The following UNC13C variants were observed in gnomAD, a reference collection of about 807,000 sequenced individuals.
UNC13C encodes unc-13 homolog C, also known as protein unc-13 homolog C.
A neutral mutation model predicts 245.4 loss-of-function variants in UNC13C; 174 were observed. The ratio of observed to expected loss-of-function variants is 0.71; its 90% confidence interval spans 0.63 to 0.80. The LOEUF (loss-of-function observed/expected upper bound fraction) is 0.80. Ranked by LOEUF, UNC13C falls within the 30% of genes least tolerant of loss-of-function variation. UNC13C has a pLI of 0.00. For missense variants in UNC13C, 2,829 were observed against 2,602.9 expected (o/e 1.09, Z -1.89); for synonymous variants, 992 against 895.1 (o/e 1.11, Z -1.93).
chr15:54,025,692 C>T (rs899098269), intron 2 of UNC13C, among the ~76,000 whole-genome samples: 1 of 152,146 alleles, frequency 6.6e-6, no homozygotes, highest in African/African-American at 2.4e-5. Flanking sequence ...TATTGATTTA[C>T]CCGACAGCAC....
intron 26 of UNC13C, among the ~76,000 whole-genome samples, chr15:54,546,403 G>A (rs1896483025): frequency 6.6e-6 from 1 of 152,062 alleles, no homozygotes; most frequent in Non-Finnish European, 1.5e-5. Flanking sequence ...AACCACCATG[G>A]CATGTGTATA....
At chr15:53,957,200 G>A in the UNC13C span, among the ~76,000 whole-genome samples, 1 of 152,020 alleles carries the variant, frequency 6.6e-6, no homozygotes, top group Admixed American at 6.6e-5. Context: ...GGAGTGCAGT[G>A]CCACAATGTT....
chr15:54,543,225 C>T, intron 26 of UNC13C, among the ~76,000 whole-genome samples: 1 of 152,028 alleles, frequency 6.6e-6, no homozygotes. Flanking sequence ...ATTTGCTTGT[C>T]TGTAAAGGAT....
intron 7 of UNC13C, among the ~76,000 whole-genome samples, chr15:54,243,611 T>A (rs973213169): frequency 7.2e-5 from 11 of 152,098 alleles, no homozygotes; most frequent in African/African-American, 2.7e-4. Context: ...AAAGCATTCC[T>A]TTTTTTCTGC....
chr15:54,091,867 T>G (rs1899593000), intron 2 of UNC13C, among the ~76,000 whole-genome samples: 1 of 152,238 alleles, frequency 6.6e-6, no homozygotes, highest in Non-Finnish European at 1.5e-5. Flanking sequence ...TTGAGATTTA[T>G]TCCTTAAGTC....
Position 54,567,845 on chromosome 15 carries a change from G to T in UNC13C, c.6004G>T (p.Glu2002Ter). Residue 2002 changes from glutamate (E) to a stop codon, truncating the protein, a stop_gained, in exon 30 of 33, where the codon GAG (glutamate) becomes TAG (stop). Coordinates refer to ENST00000260323, the MANE Select transcript of UNC13C (RefSeq NM_001080534.3). LOFTEE classifies it high-confidence loss of function. Reference sequence around the variant, plus strand: ...AAATGGCCTGAAAAAGAATTTCTTGGAGAAAAGCCCAGATCTTCAGTCTCT... The same window carrying T: ...AAATGGCCTGAAAAAGAATTTCTTGTAGAAAAGCCCAGATCTTCAGTCTCT... Reference protein sequence around the residue: ...GGNGLKKNFLEKSPDLQSLRY... With the variant: ...GGNGLKKNFL 6.2e-7 allele frequency: 1 copy of T among 1,604,106 alleles called. No homozygotes were observed. Among genetic ancestry groups the T allele is most frequent in the Non-Finnish European group, 8.5e-7 (1 of 1,174,584 alleles).
chr15:54,298,436 C>T (rs1305096822), intron 12 of UNC13C, among the ~76,000 whole-genome samples: 1 of 152,000 alleles, frequency 6.6e-6, no homozygotes, highest in Non-Finnish European at 1.5e-5. Context: ...CTTTTGGGAG[C>T]CAATGTAATA....
intron 4 of UNC13C, among the ~76,000 whole-genome samples, chr15:54,204,200 T>G (rs563351240): frequency 6.6e-6 from 1 of 151,228 alleles, no homozygotes; most frequent in African/African-American, 2.4e-5. Flanking sequence ...TGTACGCTGC[T>G]TGGGTGATGG....
In UNC13C at chr15:54,476,834, A is replaced by G. The variant is rs1239147285; in HGVS notation, c.4934-17774A>G. On this transcript the variant is annotated intron_variant, in intron 19 of 32. Coordinates refer to ENST00000260323, the MANE Select transcript of UNC13C (RefSeq NM_001080534.3). ...TATGAACTTTAAAGTAATTTTTCCAATTCTGTGAAGAAAGTCATTGGTAGC... is the reference window on the plus strand; with the variant it reads ...TATGAACTTTAAAGTAATTTTTCCAGTTCTGTGAAGAAAGTCATTGGTAGC... Among the ~76,000 whole-genome samples, 3 of 151,336 alleles carry G rather than the reference A, an allele frequency of 2.0e-5. No individual in the cohort carries two copies. In the East Asian group the frequency reaches 5.9e-4, roughly 30 times the overall value.
chr15:54,318,913 A>G (rs2038079499), intron 13 of UNC13C, among the ~76,000 whole-genome samples: 3 of 152,044 alleles, frequency 2.0e-5, no homozygotes, highest in South Asian at 4.1e-4. Flanking sequence ...GTGTCGCTCT[A>G]CTATTTATGC....
At chr15:54,198,988 A>C (rs1480190344) in intron 4 of UNC13C, among the ~76,000 whole-genome samples, 1 of 152,060 alleles carries the variant, frequency 6.6e-6, no homozygotes, top group Non-Finnish European at 1.5e-5. Context: ...AAAAAGCATA[A>C]ATAAAAAACA....
chr15:54,242,937 C>T (rs572564437), intron 7 of UNC13C, among the ~76,000 whole-genome samples: 1 of 152,284 alleles, frequency 6.6e-6, no homozygotes, highest in South Asian at 2.1e-4. Flanking sequence ...GCCCCCTCCT[C>T]ACCTTTGTTT....
At chr15:53,855,203 A>G in the UNC13C span, among the ~76,000 whole-genome samples, 2,620 of 152,270 alleles carry the variant, frequency 0.017, 53 homozygotes, top group East Asian at 0.08. Flanking sequence ...GGCTGAGACA[A>G]TGGGGTTTTC....
At chr15:53,855,134 C>CATTTGCAGAAT in the UNC13C span, among the ~76,000 whole-genome samples, 25 of 152,160 alleles carry the variant, frequency 1.6e-4, no homozygotes, top group Admixed American at 1.4e-3. Context: ...GTGATTTTTG[C>CATTTGCAGAAT]ACAATTATTT....
intron 2 of UNC13C, among the ~76,000 whole-genome samples, chr15:54,073,498 A>G (rs1426748295): frequency 6.6e-6 from 1 of 152,178 alleles, no homozygotes; most frequent in Non-Finnish European, 1.5e-5. Flanking sequence ...ACTCCCATCA[A>G]CAGTGTAAAA....
intron 4 of UNC13C, among the ~76,000 whole-genome samples, chr15:54,189,212 A>C (rs1345495708): frequency 3.3e-5 from 5 of 152,132 alleles, no homozygotes; most frequent in African/African-American, 1.2e-4. Flanking sequence ...AATAAAATTA[A>C]AATGTGTAAA....
the UNC13C span, among the ~76,000 whole-genome samples, chr15:53,887,714 C>T: frequency 0.16 from 24,096 of 151,994 alleles, 2,013 homozygotes; most frequent in South Asian, 0.19. Context: ...CCCTCCACTA[C>T]GCCCCACCCC....
At chr15:53,925,667 G>A in the UNC13C span, among the ~76,000 whole-genome samples, 5 of 152,170 alleles carry the variant, frequency 3.3e-5, no homozygotes, top group African/African-American at 1.2e-4. Context: ...GACAGGCTCC[G>A]AGAGTCTAGC....
intron 1 of UNC13C, among the ~76,000 whole-genome samples, chr15:53,990,650 T>C (rs1402966880): frequency 2.0e-5 from 3 of 152,058 alleles, no homozygotes; most frequent in Non-Finnish European, 2.9e-5. Flanking sequence ...TGGATTCAAG[T>C]TTCCCTGCTA....
Sources: allele counts gnomAD v4.1 joint callset (sites outside exome capture counted in the v4.1 genomes callset), GRCh38; gene constraint gnomAD v4.1.1; transcripts MANE v1.5; gene names NCBI Gene and HGNC (gene_info 2026-07-23, HGNC 2026-07-21).